Variants in ST6GALNAC5 observed in about 807,000 individuals in gnomAD.
ST6GALNAC5 encodes the protein alpha-N-acetylgalactosaminide alpha-2,6-sialyltransferase 5.
In ST6GALNAC5, 27 loss-of-function variants were observed where a neutral mutation model predicts 33.6. That is an observed-to-expected ratio of 0.80 (90% CI 0.59 to 1.11). The LOEUF is 1.11. ST6GALNAC5 is among the 50% of genes least tolerant of loss of function. The pLI, the probability that ST6GALNAC5 is intolerant of heterozygous loss-of-function variation, is 0.00. For synonymous variants in ST6GALNAC5, 194 were observed against 171.2 expected, an observed-to-expected ratio of 1.13 and a Z score of -1.04; for missense variants, 428 against 454.0, an observed-to-expected ratio of 0.94 and a Z score of 0.52.
chr1:76,910,193 G>T (rs1557718905), intron 2 of ST6GALNAC5, among the ~76,000 whole-genome samples: 1 of 151,906 alleles, frequency 6.6e-6, no homozygotes, highest in African/African-American at 2.4e-5. Flanking sequence ...GTATGGGTTT[G>T]TCTGACAATT....
intron 2 of ST6GALNAC5, among the ~76,000 whole-genome samples, chr1:76,918,803 A>AG (rs370781904): frequency 3.3e-5 from 5 of 152,178 alleles, no homozygotes; most frequent in African/African-American, 1.2e-4. Context: ...ACACACACAC[A>AG]GGCACGCATA....
At chr1:76,892,869 G>T (rs1416201517) in intron 2 of ST6GALNAC5, among the ~76,000 whole-genome samples, 1 of 152,124 alleles carries the variant, frequency 6.6e-6, no homozygotes. Context: ...AAGGGGAGGA[G>T]GATTAAATAT....
intron 2 of ST6GALNAC5, among the ~76,000 whole-genome samples, chr1:76,976,253 T>G (rs2100373429): frequency 6.6e-6 from 1 of 152,260 alleles, no homozygotes; most frequent in East Asian, 1.9e-4. Flanking sequence ...ATTCATGGAG[T>G]TTTACATTTA....
intron 2 of ST6GALNAC5, among the ~76,000 whole-genome samples, chr1:76,969,076 C>A (rs894140104): frequency 2.6e-5 from 4 of 152,048 alleles, no homozygotes; most frequent in African/African-American, 9.7e-5. Flanking sequence ...ATAGGAACAG[C>A]TCCAGTCTGC....
intron 2 of ST6GALNAC5, among the ~76,000 whole-genome samples, chr1:76,899,304 A>G (rs113931181): frequency 0.11 from 17,034 of 151,898 alleles, 1,390 homozygotes; most frequent in Non-Finnish European, 0.17. Flanking sequence ...AAAAGACAGT[A>G]GAGACACAGA....
chr1:76,903,074 A>G (rs1377461693), intron 2 of ST6GALNAC5, among the ~76,000 whole-genome samples: 1 of 152,182 alleles, frequency 6.6e-6, no homozygotes, highest in Non-Finnish European at 1.5e-5. Context: ...TCTGTGCTTC[A>G]AAGGATGCTA....
At position 76,933,222 on chromosome 1, in the gene ST6GALNAC5, G is replaced by A. The variant is rs376935653; in HGVS notation, c.261+64480G>A. On this transcript the variant is annotated intron_variant, in intron 2 of 4. Coordinates refer to ENST00000477717, the MANE Select transcript of ST6GALNAC5 (RefSeq NM_030965.3). ...TCTAGATGATCTGTGTATGGGTGGAGCTCTGGCAATAGTTACTACAAAGGT... is the reference window on the plus strand; with the variant it reads ...TCTAGATGATCTGTGTATGGGTGGAACTCTGGCAATAGTTACTACAAAGGT... Among the ~76,000 whole-genome samples the A allele has an allele frequency of 3.4e-4, 52 of 152,120 alleles. No homozygotes were observed. In the East Asian group the frequency reaches 8.8e-3, roughly 26 times the overall value.
At chr1:76,965,217 C>CA (rs1032832964) in intron 2 of ST6GALNAC5, among the ~76,000 whole-genome samples, 7 of 151,222 alleles carry the variant, frequency 4.6e-5, no homozygotes, top group African/African-American at 1.2e-4. Context: ...AGTTTACCAC[C>CA]CCCCCCACCA....
chr1:77,007,832 G>A (rs749675262), intron 2 of ST6GALNAC5, among the ~76,000 whole-genome samples: 7 of 152,154 alleles, frequency 4.6e-5, no homozygotes, highest in Non-Finnish European at 8.8e-5. Context: ...TGATGGATTC[G>A]CTTCTCACTT....
chr1:76,953,800 A>G (rs191149441), intron 2 of ST6GALNAC5, among the ~76,000 whole-genome samples: 1 of 152,132 alleles, frequency 6.6e-6, no homozygotes, highest in African/African-American at 2.4e-5. Flanking sequence ...ATTTAAATCC[A>G]TGATCCATTA....
chr1:76,951,409 G>C (rs921875658), intron 2 of ST6GALNAC5, among the ~76,000 whole-genome samples: 2 of 152,242 alleles, frequency 1.3e-5, no homozygotes, highest in Admixed American at 1.3e-4. Flanking sequence ...TCACTCATAA[G>C]TGGGAGTTGA....
At position 76,952,677 on chromosome 1, in the gene ST6GALNAC5, G is replaced by A. The variant is rs543693882; in HGVS notation, c.261+83935G>A. On this transcript the variant is annotated intron_variant, in intron 2 of 4. Coordinates refer to ENST00000477717, the MANE Select transcript of ST6GALNAC5 (RefSeq NM_030965.3). Reference sequence around the variant, plus strand: ...CCCCATAAACATGTACAATTATTATGTGTCAATTTTTTAAAACTAAAAAGT... The same window carrying A: ...CCCCATAAACATGTACAATTATTATATGTCAATTTTTTAAAACTAAAAAGT... 2.0e-5 allele frequency among the ~76,000 whole-genome samples: 3 copies of A among 152,010 alleles called. No homozygotes were observed. The South Asian group carries it at 6.3e-4, about 32-fold the overall frequency.
At chr1:77,043,649 C>A (rs114303593) in intron 2 of ST6GALNAC5, among the ~76,000 whole-genome samples, 1 of 152,122 alleles carries the variant, frequency 6.6e-6, no homozygotes, top group African/African-American at 2.4e-5. Context: ...GTATTTGGTA[C>A]AAACATATTT....
rs916298231 is a variant in ST6GALNAC5 at position 77,066,820 on chromosome 1, A to T, written c.*3614A>T. ...TATCTCTTTACTGTCATTTTCTCCCAATTGTCTTCTTTTGTCTACAGTGTG... is the reference window on the plus strand; with the variant it reads ...TATCTCTTTACTGTCATTTTCTCCCTATTGTCTTCTTTTGTCTACAGTGTG... On this transcript the variant is annotated 3_prime_UTR_variant, in exon 5 of 5. Coordinates refer to ENST00000477717, the MANE Select transcript of ST6GALNAC5 (RefSeq NM_030965.3). Among the ~76,000 whole-genome samples the T allele has an allele frequency of 1.3e-5, 2 of 152,016 alleles. No homozygotes were observed. Among genetic ancestry groups the T allele is most frequent in the Non-Finnish European group, 2.9e-5 (2 of 68,018 alleles).
At chr1:76,945,760 G>A (rs1647495750) in intron 2 of ST6GALNAC5, among the ~76,000 whole-genome samples, 1 of 152,026 alleles carries the variant, frequency 6.6e-6, no homozygotes, top group Non-Finnish European at 1.5e-5. Context: ...CTTTCTTCCT[G>A]ACAACTGAAT....
chr1:77,033,604 T>TC (rs397863786), intron 2 of ST6GALNAC5, among the ~76,000 whole-genome samples: 1 of 99,966 alleles, frequency 1.0e-5, no homozygotes, highest in Non-Finnish European at 1.9e-5. Flanking sequence ...TTATGTGGGG[T>TC]AACATCGTTG....
At chr1:76,876,598 C>A (rs1653644277) in intron 2 of ST6GALNAC5, among the ~76,000 whole-genome samples, 1 of 152,174 alleles carries the variant, frequency 6.6e-6, no homozygotes, top group Admixed American at 6.5e-5. Context: ...AGTCCCTGAC[C>A]ATCCAGCCAA....
At chr1:77,023,988 T>TA (rs944804278) in intron 2 of ST6GALNAC5, among the ~76,000 whole-genome samples, 16 of 152,246 alleles carry the variant, frequency 1.1e-4, no homozygotes, top group African/African-American at 3.6e-4. Flanking sequence ...TACACATGAA[T>TA]AAAAGGGTCA....
At chr1:77,016,282 A>ATCTCCTCCCTCTCC (rs1650847332) in intron 2 of ST6GALNAC5, among the ~76,000 whole-genome samples, 1 of 41,844 alleles carries the variant, frequency 2.4e-5, no homozygotes, top group East Asian at 8.7e-4. Context: ...CCTCCCCCTC[A>ATCTCCTCCCTCTCC]TCCTCCTGTA....
Sources: gnomAD v4.1 joint callset for allele counts (sites outside exome capture counted in the v4.1 genomes callset) on GRCh38, gnomAD v4.1.1 for gene constraint, MANE v1.5 for transcripts, NCBI Gene and HGNC (gene_info 2026-07-23, HGNC 2026-07-21) for gene names.